The following PREP variants were observed in gnomAD, a reference collection of about 807,000 sequenced individuals.
The protein encoded by PREP is dJ355L5.1 (prolyl endopeptidase).
Under a neutral mutation model 87.6 loss-of-function variants are expected in PREP, and 29 were observed. The observed-to-expected ratio is 0.33, with a 90% confidence interval of 0.25 to 0.45. PREP has a LOEUF of 0.45. PREP is among the 20% of genes least tolerant of loss of function. The pLI is 1.00. For missense variants in PREP, 695 were observed against 886.5 expected (o/e 0.78, Z 2.74); for synonymous variants, 337 against 328.6 (o/e 1.03, Z -0.28).
At position 105,353,061 on chromosome 6, in the gene PREP, C is replaced by A. The variant is rs754360917; in HGVS notation, c.734G>T (p.Arg245Leu). The A allele has an allele frequency of 6.2e-7, 1 of 1,612,466 alleles. No individual in the cohort carries two copies. Among genetic ancestry groups the A allele is most frequent in the Non-Finnish European group, 8.5e-7 (1 of 1,179,054 alleles). ...MGGAELSDDGRYVLLSIREGC... is the reference protein window; with the variant it reads ...MGGAELSDDGLYVLLSIREGC... ...TTCCCTTATTGATAACAAGACATAG[C>A]GGCCATCATCAGATAACTAAAAAAG... The change falls in exon 7 of 15, where the codon CGC becomes CTC. Residue 245 changes from arginine (R) to leucine (L), a missense_variant. This residue lies in a region of PREP where 517 missense variants were observed against 620.3 expected (regional missense o/e 0.83). Coordinates refer to ENST00000652536, the MANE Select transcript of PREP (RefSeq NM_002726.5).
chr6:105,358,931 A>G (rs553747654), intron 6 of PREP, among the ~76,000 whole-genome samples: 1 of 152,336 alleles, frequency 6.6e-6, no homozygotes, highest in East Asian at 1.9e-4. Context: ...AAGCCTTTTC[A>G]TAAAAGTGTA....
At chr6:105,352,251 C>T (rs1226278180) in intron 7 of PREP, among the ~76,000 whole-genome samples, 5 of 152,156 alleles carry the variant, frequency 3.3e-5, no homozygotes, top group Admixed American at 6.5e-5. Context: ...GAATTTTCAG[C>T]ATAGTAAATT....
intron 2 of PREP, among the ~76,000 whole-genome samples, chr6:105,386,070 A>G (rs922916049): frequency 4.6e-5 from 7 of 152,224 alleles, no homozygotes. Context: ...CAGTGAGCCG[A>G]GATAGCACCA....
intron 2 of PREP, among the ~76,000 whole-genome samples, chr6:105,385,828 G>A (rs752261220): frequency 6.6e-5 from 10 of 152,094 alleles, no homozygotes; most frequent in African/African-American, 9.7e-5. Flanking sequence ...TAAAAAACAC[G>A]ACCAATTGTC....
At chr6:105,389,351 A>G (rs895698419) in intron 2 of PREP, among the ~76,000 whole-genome samples, 1 of 152,168 alleles carries the variant, frequency 6.6e-6, no homozygotes, top group Non-Finnish European at 1.5e-5. Flanking sequence ...AAAACAGAAG[A>G]CCAAAGACTG....
chr6:105,282,320 G>C (rs1373551858), intron 13 of PREP, 131 bp downstream of exon 13: 1 of 1,090,644 alleles, frequency 9.2e-7, no homozygotes. Context: ...TGGTACAAAT[G>C]GGTTTTGCTC....
At chr6:105,306,822 T>C (rs1770667071) in intron 10 of PREP, among the ~76,000 whole-genome samples, 1 of 142,052 alleles carries the variant, frequency 7.0e-6, no homozygotes, top group Admixed American at 7.5e-5. Context: ...ACCTGGTAGG[T>C]AGATGGCCTG....
chr6:105,337,912 C>A (rs560474503), intron 7 of PREP, among the ~76,000 whole-genome samples: 1 of 152,090 alleles, frequency 6.6e-6, no homozygotes, highest in South Asian at 2.1e-4. Flanking sequence ...CTTTGTTTAT[C>A]CAGTGACAAA....
intron 9 of PREP, among the ~76,000 whole-genome samples, chr6:105,326,186 T>C (rs6571228): frequency 0.37 from 55,734 of 151,834 alleles, 14,396 homozygotes; most frequent in African/African-American, 0.74. Flanking sequence ...CCGTGAAAGG[T>C]TTTTCTATGA....
chr6:105,287,246 G>A (rs189977128), intron 11 of PREP, among the ~76,000 whole-genome samples: 2 of 151,984 alleles, frequency 1.3e-5, no homozygotes, highest in Admixed American at 6.6e-5. Context: ...AACAAATCTC[G>A]TTGCCTGGGA....
intron 10 of PREP, among the ~76,000 whole-genome samples, chr6:105,312,668 G>A (rs1770781720): frequency 1.3e-5 from 2 of 152,198 alleles, no homozygotes; most frequent in Admixed American, 1.3e-4. Flanking sequence ...ACAGCTGAAT[G>A]TCCTCTTTCC....
chr6:105,389,644 T>C (rs1773086881), intron 2 of PREP, among the ~76,000 whole-genome samples: 1 of 152,152 alleles, frequency 6.6e-6, no homozygotes, highest in South Asian at 2.1e-4. Flanking sequence ...TGCAATTTCC[T>C]GGGAGCAAGC....
intron 6 of PREP, among the ~76,000 whole-genome samples, chr6:105,360,244 C>A (rs906648288): frequency 2.6e-5 from 4 of 152,330 alleles, no homozygotes; most frequent in Non-Finnish European, 2.9e-5. Context: ...AATCTGTGAA[C>A]TCCCAACCTC....
intron 10 of PREP, among the ~76,000 whole-genome samples, chr6:105,300,996 T>G (rs1361322911): frequency 6.6e-6 from 1 of 152,178 alleles, no homozygotes; most frequent in East Asian, 1.9e-4. Context: ...TAAAATCAAT[T>G]GTGTTAAGAC....
intron 2 of PREP, among the ~76,000 whole-genome samples, chr6:105,379,428 C>T (rs1243806718): frequency 6.6e-6 from 1 of 152,158 alleles, no homozygotes; most frequent in Non-Finnish European, 1.5e-5. Context: ...TGAGAAACCA[C>T]CCAGGGGAGC....
chr6:105,316,492 CAG>C lies in PREP; in HGVS notation c.1317+7171_1317+7172del, dbSNP rs1444256201. Among the ~76,000 whole-genome samples, 3 of 152,300 alleles carry C rather than the reference CAG, an allele frequency of 2.0e-5. No individual in the cohort carries two copies. The East Asian group carries it at 5.8e-4, about 29-fold the overall frequency. ...CATTGTGAGAATTATCAAAATGTGA[CAG>C]ACACGAACTGAGCACATGCTGTTGG... On this transcript the variant is annotated intron_variant, in intron 10 of 14. Coordinates refer to ENST00000652536, the MANE Select transcript of PREP (RefSeq NM_002726.5).
At chr6:105,312,238 T>C (rs1770772842) in intron 10 of PREP, among the ~76,000 whole-genome samples, 1 of 152,220 alleles carries the variant, frequency 6.6e-6, no homozygotes, top group South Asian at 2.1e-4. Context: ...TGTATGCATA[T>C]ATTAATGTTT....
intron 2 of PREP, among the ~76,000 whole-genome samples, chr6:105,384,379 T>C (rs944663052): frequency 6.6e-6 from 1 of 152,198 alleles, no homozygotes; most frequent in Non-Finnish European, 1.5e-5. Context: ...ATGAGGAACA[T>C]CTGGCTGGAA....
At chr6:105,291,119 T>G (rs1770288743) in intron 10 of PREP, among the ~76,000 whole-genome samples, 1 of 148,004 alleles carries the variant, frequency 6.8e-6, no homozygotes. Flanking sequence ...AAATGCTTTA[T>G]TGCTAAAAAA....
Sources: allele counts gnomAD v4.1 joint callset (sites outside exome capture counted in the v4.1 genomes callset), GRCh38; gene constraint gnomAD v4.1.1; regional missense constraint gnomAD v4.1.1; transcripts MANE v1.5; gene names NCBI Gene and HGNC (gene_info 2026-07-23, HGNC 2026-07-21).